The following FAM204A variants were observed in gnomAD, a reference collection of about 807,000 sequenced individuals.
FAM204A encodes the protein protein FAM204A.
Under a neutral mutation model 35.4 loss-of-function variants are expected in FAM204A, and 16 were observed. The observed-to-expected ratio is 0.45, with a 90% CI of 0.31 to 0.69. The LOEUF (loss-of-function observed/expected upper bound fraction) is 0.69. FAM204A is among the 30% of genes least tolerant of loss of function. FAM204A has a pLI of 0.07. For synonymous variants in FAM204A, 76 were observed against 86.9 expected, an observed-to-expected ratio of 0.88 and a Z score of 0.70; for missense variants, 240 against 265.7, an observed-to-expected ratio of 0.90 and a Z score of 0.67.
rs754924243 is a variant in FAM204A at position 118,335,404 on chromosome 10, TTC to T, written c.343_344del (p.Glu115IlefsTer3). Reference sequence around the variant, plus strand: ...TTTTAAATTCTACCTACCTATGTAATTCTTTTTCATTCTTCAATTTATCTGAA... The same window carrying T: ...TTTTAAATTCTACCTACCTATGTAATTTTTTCATTCTTCAATTTATCTGAA... ...SRKDKLKNEKELHSEPSSNET... is the reference protein window; with the variant it reads ...SRKDKLKNEKXLHSEPSSNET... On this transcript the variant is annotated frameshift_variant, in exon 5 of 9. Transcript: ENST00000369183. LOFTEE classifies it high-confidence loss of function. The T allele has an allele frequency of 3.8e-6, 6 of 1,593,048 alleles. No homozygotes were observed. Among genetic ancestry groups the T allele is most frequent in the Non-Finnish European group, 5.1e-6 (6 of 1,169,482 alleles).
intron 6 of FAM204A, 86 bp from the exon 7 acceptor site, chr10:118,326,329 T>C: frequency 9.0e-7 from 1 of 1,105,846 alleles, no homozygotes; most frequent in East Asian, 2.4e-5. Context: ...TTATACTGAA[T>C]GTGTTACACA....
intron 6 of FAM204A, among the ~76,000 whole-genome samples, chr10:118,329,177 T>C (rs1695072451): frequency 6.6e-6 from 1 of 152,194 alleles, no homozygotes; most frequent in African/African-American, 2.4e-5. Context: ...CTATCTGAAC[T>C]CTATTTTGGC....
chr10:118,321,523 C>T (rs1011466297), intron 7 of FAM204A, among the ~76,000 whole-genome samples: 4 of 151,142 alleles, frequency 2.6e-5, no homozygotes, highest in African/African-American at 9.7e-5. Context: ...TTTATTTTAC[C>T]AGAAAAAAAC....
Position 118,336,344 on chromosome 10 carries a change from C to A in FAM204A, c.72G>T (p.Thr24=). The part of the protein sequence containing the change: ...DAESNSEDEA[T]LENSGLNLQE... ...GTAAGTTAAGTCCAGAGTTCTCCAA[C>A]GTAGCTTCATCTTCCGAGTTTGACT... The change falls in exon 3 of 9, where the codon ACG becomes ACT. Residue 24 remains threonine, a synonymous_variant. Transcript: ENST00000369183. 6.2e-7 allele frequency: 1 copy of A among 1,613,962 alleles called. No homozygotes were observed. Among genetic ancestry groups the A allele is most frequent in the South Asian group, 1.1e-5 (1 of 91,072 alleles).
intron 2 of FAM204A, among the ~76,000 whole-genome samples, chr10:118,340,608 C>T (rs942277302): frequency 1.3e-5 from 2 of 152,166 alleles, no homozygotes; most frequent in African/African-American, 4.8e-5. Flanking sequence ...CCTAGCAACT[C>T]AGCCAAGAGG....
chr10:118,326,415 G>A, intron 6 of FAM204A, 172 bp from the exon 7 acceptor site: 1 of 586,868 alleles, frequency 1.7e-6, no homozygotes, highest in Non-Finnish European at 2.9e-6. Flanking sequence ...GGCTGAGACA[G>A]TAAATGGCTT....
chr10:118,330,290 T>TA (rs1846269145), intron 6 of FAM204A, among the ~76,000 whole-genome samples: 1 of 152,124 alleles, frequency 6.6e-6, no homozygotes, highest in Non-Finnish European at 1.5e-5. Flanking sequence ...ACTCAGAACT[T>TA]ATCCAATCTC....
intron 6 of FAM204A, among the ~76,000 whole-genome samples, chr10:118,330,153 A>C (rs1846267252): frequency 2.0e-5 from 3 of 152,218 alleles, no homozygotes; most frequent in African/African-American, 7.2e-5. Flanking sequence ...TCCTGTGCAG[A>C]ATATTAACCA....
chr10:118,319,639 T>A (rs971113286), intron 7 of FAM204A, among the ~76,000 whole-genome samples: 1 of 151,982 alleles, frequency 6.6e-6, no homozygotes, highest in Non-Finnish European at 1.5e-5. Flanking sequence ...GTTCCTTTTT[T>A]ATAAGTTCAA....
chr10:118,328,912 G>C (rs1417532650), intron 6 of FAM204A, among the ~76,000 whole-genome samples: 3 of 152,114 alleles, frequency 2.0e-5, no homozygotes, highest in African/African-American at 7.2e-5. Context: ...AATCTACTCT[G>C]TCCTGGAGCT....
Position 118,298,163 on chromosome 10 carries a change from T to C in FAM204A, c.*12694A>G, listed in dbSNP as rs1401003281. The C allele has an allele frequency of 6.6e-6, 1 of 152,194 alleles. No individual in the cohort carries two copies. The highest frequency in any genetic ancestry group is 1.9e-4 in the East Asian group (1 of 5,184). The allele number at this position is 152,194 out of a possible 1,614,324, so 9.4% of individuals were successfully genotyped here. A position where few individuals can be genotyped will look rare whatever the true frequency, so the allele number is the denominator to read the frequency against. On this transcript the variant is annotated 3_prime_UTR_variant, in exon 9 of 9. Transcript: ENST00000369183. ...AGAGAGCTAACGTTACGTGTGGCTT[T>C]AAATTTTTGAGCCCCAGTCCCTGGA... is the stretch of plus-strand genomic sequence containing the variant.
At chr10:118,333,349 C>G (rs927234201) in intron 6 of FAM204A, among the ~76,000 whole-genome samples, 1 of 152,224 alleles carries the variant, frequency 6.6e-6, no homozygotes, top group African/African-American at 2.4e-5. Context: ...TAGTTTTGTT[C>G]TAACTGCATC....
rs1845901896 is a variant in FAM204A at position 118,308,652 on chromosome 10, A to T, written c.*2205T>A. Reference sequence around the variant, plus strand: ...ATTAGATGAGCCCCCGCTATACTTAATTCTGCTGAAATGCCTGCCTTCCGC... The same window carrying T: ...ATTAGATGAGCCCCCGCTATACTTATTTCTGCTGAAATGCCTGCCTTCCGC... On this transcript the variant is annotated 3_prime_UTR_variant, in exon 9 of 9. Transcript: ENST00000369183. The T allele has an allele frequency of 6.6e-6, 1 of 152,164 alleles. No homozygotes were observed. Among genetic ancestry groups the T allele is most frequent in the African/African-American group, 2.4e-5 (1 of 41,418 alleles). The allele number at this position is 152,164 out of a possible 1,614,324, so 9.4% of individuals were successfully genotyped here.
intron 7 of FAM204A, among the ~76,000 whole-genome samples, chr10:118,322,140 T>C (rs1204327802): frequency 6.6e-6 from 1 of 152,064 alleles, no homozygotes; most frequent in African/African-American, 2.4e-5. Flanking sequence ...TAATAAAAAC[T>C]GTCACAAGCA....
At chr10:118,336,036 G>A in intron 3 of FAM204A, 146 bp downstream of exon 3, 5 of 858,564 alleles carry the variant, frequency 5.8e-6, no homozygotes, top group Non-Finnish European at 8.6e-6. Context: ...AGTGGCCGAT[G>A]CCTCAGAGAA....
At chr10:118,340,942 T>A (rs974080392) in intron 2 of FAM204A, among the ~76,000 whole-genome samples, 1 of 152,172 alleles carries the variant, frequency 6.6e-6, no homozygotes, top group African/African-American at 2.4e-5. Context: ...AGAGCAGAGT[T>A]GTAAGCGGGG....
rs1661011999 is a variant in FAM204A at position 118,308,149 on chromosome 10, T to C, written c.*2708A>G. 1 of 152,238 alleles carries C rather than the reference T, an allele frequency of 6.6e-6. No individual in the cohort carries two copies. Among genetic ancestry groups the C allele is most frequent in the Non-Finnish European group, 1.5e-5 (1 of 68,040 alleles). The allele number at this position is 152,238 out of a possible 1,614,324, so 9.4% of individuals were successfully genotyped here. On this transcript the variant is annotated 3_prime_UTR_variant, in exon 9 of 9. Coordinates refer to ENST00000369183, the MANE Select transcript of FAM204A (RefSeq NM_022063.3). ...CTGTAAAGCTCAAAATTACTGTTCT[T>C]TAGTAAGATGTTTTAGCCTAAAGTA...
rs151063533 is a variant in FAM204A, at chr10:118,336,861, T to C, written c.-8-438A>G. Among the ~76,000 whole-genome samples the C allele has an allele frequency of 6.2e-3, 938 of 152,318 alleles. 5 individuals are homozygous for C. The highest frequency in any genetic ancestry group is 0.021 in the South Asian group (103 of 4,826). ...AGAGAATAAAACTGCATGTTTCACC[T>C]ATATTTAATGGACAAAGCTTTCAGA... On this transcript the variant is annotated intron_variant, in intron 2 of 8. Coordinates refer to ENST00000369183, the MANE Select transcript of FAM204A (RefSeq NM_022063.3).
At position 118,301,832 on chromosome 10, in the gene FAM204A, C is replaced by G. The variant is rs1324975669; in HGVS notation, c.*9025G>C. The G allele has an allele frequency of 6.6e-6, 1 of 152,206 alleles. No individual in the cohort carries two copies. Among genetic ancestry groups the G allele is most frequent in the Non-Finnish European group, 1.5e-5 (1 of 68,046 alleles). 9.4% of individuals were successfully genotyped at this position (152,206 alleles called of 1,614,324 possible). On this transcript the variant is annotated 3_prime_UTR_variant, in exon 9 of 9. Transcript: ENST00000369183. ...ATTAAGTAGCCTGCCGGAGGTTACACAGCTTGTAAGTAGCAGAGCTGGGAT... is the reference window on the plus strand; with the variant it reads ...ATTAAGTAGCCTGCCGGAGGTTACAGAGCTTGTAAGTAGCAGAGCTGGGAT...
Sources: gnomAD v4.1 joint callset for allele counts (sites outside exome capture counted in the v4.1 genomes callset) on GRCh38, gnomAD v4.1.1 for gene constraint, MANE v1.5 for transcripts, NCBI Gene and HGNC (gene_info 2026-07-23, HGNC 2026-07-21) for gene names.